Variants in ACTR3C observed in about 807,000 individuals in gnomAD.
ACTR3C encodes the protein actin-related protein 3C.
A neutral mutation model predicts 26.3 loss-of-function variants in ACTR3C; 18 were observed. The ratio of observed to expected loss-of-function variants is 0.68; its 90% confidence interval spans 0.47 to 1.01. The LOEUF (loss-of-function observed/expected upper bound fraction) is 1.01, where lower values mean the gene tolerates loss of function less well. ACTR3C is among the 50% of genes least tolerant of loss of function. ACTR3C has a pLI of 0.00. For missense variants in ACTR3C, 184 were observed against 250.7 expected, an observed-to-expected ratio of 0.73 and a Z score of 1.80; for synonymous variants, 55 against 94.5, an observed-to-expected ratio of 0.58 and a Z score of 2.42.
At chr7:150,277,274 G>A (rs543416411) in intron 6 of ACTR3C, among the ~76,000 whole-genome samples, 2 of 152,086 alleles carry the variant, frequency 1.3e-5, no homozygotes, top group Non-Finnish European at 1.5e-5. Context: ...AGGAGTTCGA[G>A]ACCAGCTTGG....
At chr7:149,928,873 T>C in the ACTR3C span, among the ~76,000 whole-genome samples, 6 of 151,716 alleles carry the variant, frequency 4.0e-5, no homozygotes, top group Non-Finnish European at 5.9e-5. Context: ...ATAAAGAACA[T>C]GGGAGTCAGC....
rs182955489 is a variant in ACTR3C, at chr7:150,252,773, A to C, written c.565-3719T>G. On this transcript the variant is annotated intron_variant, in intron 6 of 7. Transcript: ENST00000683684. ...CTTCTCTGACCATCTAATTGTATTA[A>C]AAATAACATACTGGGAATAGGATGT... 2.7e-3 allele frequency among the ~76,000 whole-genome samples: 416 copies of C among 152,338 alleles called. 3 individuals are homozygous for C. The highest frequency in any genetic ancestry group is 9.5e-3 in the African/African-American group (394 of 41,576).
the ACTR3C span, among the ~76,000 whole-genome samples, chr7:149,963,683 C>T: frequency 6.6e-6 from 1 of 152,180 alleles, no homozygotes; most frequent in Non-Finnish European, 1.5e-5. Context: ...GGAGAAGTAA[C>T]AGGAAGCAAT....
At chr7:150,033,543 G>A in the ACTR3C span, among the ~76,000 whole-genome samples, 165 of 152,314 alleles carry the variant, frequency 1.1e-3, 2 homozygotes, top group South Asian at 0.033. Context: ...TCCACAATGG[G>A]GGTCCTAAGC....
At chr7:150,136,483 A>T in the ACTR3C span, among the ~76,000 whole-genome samples, 1 of 152,158 alleles carries the variant, frequency 6.6e-6, no homozygotes, top group South Asian at 2.1e-4. Context: ...CAGCTTGACC[A>T]ACATGGTGAA....
the ACTR3C span, among the ~76,000 whole-genome samples, chr7:150,161,469 G>A: frequency 1.3e-4 from 19 of 151,634 alleles, no homozygotes; most frequent in African/African-American, 3.9e-4. Flanking sequence ...GCAGTGTTTG[G>A]TTTTTTGTCC....
chr7:150,067,224 T>G, the ACTR3C span, among the ~76,000 whole-genome samples: 5 of 152,202 alleles, frequency 3.3e-5, no homozygotes, highest in South Asian at 1.0e-3. Flanking sequence ...TACATTGAAT[T>G]TAAATGCTGG....
chr7:150,209,867 C>T, the ACTR3C span, among the ~76,000 whole-genome samples: 1 of 145,084 alleles, frequency 6.9e-6, no homozygotes, highest in Non-Finnish European at 1.5e-5. Context: ...TGCAGTGGGC[C>T]GAGATTGGGC....
chr7:150,125,593 T>G, the ACTR3C span, among the ~76,000 whole-genome samples: 1 of 152,250 alleles, frequency 6.6e-6, no homozygotes, highest in East Asian at 1.9e-4. Flanking sequence ...GATTCTTGCT[T>G]TTTTTGCATT....
chr7:150,204,878 AAGG>A, the ACTR3C span, among the ~76,000 whole-genome samples: 1 of 152,116 alleles, frequency 6.6e-6, no homozygotes, highest in African/African-American at 2.4e-5. Context: ...GGAACATGCC[AAGG>A]AGGACTGGAG....
chr7:149,978,516 AC>A, the ACTR3C span, among the ~76,000 whole-genome samples: 1 of 151,968 alleles, frequency 6.6e-6, no homozygotes, highest in African/African-American at 2.4e-5. Context: ...ACGGGTGTCT[AC>A]CTAAAAGCTA....
the ACTR3C span, among the ~76,000 whole-genome samples, chr7:149,994,737 C>G: frequency 1.3e-5 from 2 of 151,982 alleles, no homozygotes; most frequent in Non-Finnish European, 2.9e-5. Flanking sequence ...GTCCAAGTGC[C>G]TAGAAAATCT....
At chr7:150,198,292 T>C in the ACTR3C span, among the ~76,000 whole-genome samples, 1 of 148,714 alleles carries the variant, frequency 6.7e-6, no homozygotes, top group Non-Finnish European at 1.5e-5. Context: ...GGAGTGTCTC[T>C]GCCTGGCCGC....
chr7:149,927,449 C>T, the ACTR3C span, among the ~76,000 whole-genome samples: 1 of 146,428 alleles, frequency 6.8e-6, no homozygotes, highest in Admixed American at 6.8e-5. Context: ...AAAAAAAAAG[C>T]CAGGCGCAGT....
At chr7:150,314,160 G>A (rs954072763) in intron 1 of ACTR3C, among the ~76,000 whole-genome samples, 1 of 152,172 alleles carries the variant, frequency 6.6e-6, no homozygotes, top group Non-Finnish European at 1.5e-5. Context: ...GTCTCCTAGG[G>A]TCAGTGGCAG....
chr7:150,215,753 C>G, the ACTR3C span, among the ~76,000 whole-genome samples: 1 of 150,870 alleles, frequency 6.6e-6, no homozygotes. Flanking sequence ...TTTTTTCGGA[C>G]CTGGTGGAGC....
At chr7:150,199,724 T>TAAAAAAAAAAAAAAAAAAAAAAAAAAAA in the ACTR3C span, among the ~76,000 whole-genome samples, 3 of 19,132 alleles carry the variant, frequency 1.6e-4, no homozygotes, top group East Asian at 2.0e-3. Flanking sequence ...AATATTTTTA[T>TAAAAAAAAAAAAAAAAAAAAAAAAAAAA]CAAAAAAAAA....
chr7:149,961,477 G>T, the ACTR3C span, among the ~76,000 whole-genome samples: 5 of 151,882 alleles, frequency 3.3e-5, no homozygotes, highest in Admixed American at 6.5e-5. Context: ...CTCTTAGGAA[G>T]TGCATAGATA....
the ACTR3C span, among the ~76,000 whole-genome samples, chr7:150,134,155 A>G: frequency 1.3e-5 from 2 of 152,008 alleles, no homozygotes; most frequent in African/African-American, 4.8e-5. Context: ...AAGTATACAT[A>G]TGTAACAAAC....
Sources: gnomAD v4.1 joint callset for allele counts (sites outside exome capture counted in the v4.1 genomes callset) on GRCh38, gnomAD v4.1.1 for gene constraint, MANE v1.5 for transcripts, NCBI Gene and HGNC (gene_info 2026-07-23, HGNC 2026-07-21) for gene names.